The following SCARA5 variants were observed in gnomAD, a reference collection of about 807,000 sequenced individuals.
SCARA5 encodes the protein scavenger receptor class A, member 5 (putative).
A neutral mutation model predicts 46.3 loss-of-function variants in SCARA5; 45 were observed. The observed-to-expected ratio is 0.97, with a 90% CI of 0.76 to 1.24. SCARA5 has a LOEUF of 1.24. Ranked by LOEUF, SCARA5 falls within the 50% of genes most tolerant of loss-of-function variation. The pLI is 0.00. For missense variants in SCARA5, 680 were observed against 689.0 expected, an observed-to-expected ratio of 0.99 and a Z score of 0.15; for synonymous variants, 333 against 306.5, an observed-to-expected ratio of 1.09 and a Z score of -0.90.
intron 7 of SCARA5, among the ~76,000 whole-genome samples, chr8:27,901,763 A>G (rs896259074): frequency 6.6e-6 from 1 of 152,212 alleles, no homozygotes; most frequent in East Asian, 1.9e-4. Context: ...TTACATCTGC[A>G]TCTGGAGCTA....
In SCARA5 at chr8:27,911,337, C is replaced by T. The variant is rs141127492; in HGVS notation, c.917-1594G>A. Among the ~76,000 whole-genome samples the T allele has an allele frequency of 2.0e-3, 302 of 152,302 alleles. 1 individual carries two copies. The highest frequency in any genetic ancestry group is 3.2e-3 in the Non-Finnish European group (220 of 68,020). On this transcript the variant is annotated intron_variant, in intron 4 of 8. Transcript: ENST00000354914. ...AGACAGGACCATACCCTTTATATCC[C>T]TATACCTGCTGTGAAGACTCAGACT...
At chr8:27,882,260 C>T (rs1806823823) in intron 7 of SCARA5, among the ~76,000 whole-genome samples, 1 of 152,186 alleles carries the variant, frequency 6.6e-6, no homozygotes, top group Admixed American at 6.5e-5. Context: ...ATTCCATTTT[C>T]TATGTGCACC....
chr8:27,927,311 C>T (rs1471291337), intron 3 of SCARA5, among the ~76,000 whole-genome samples: 1 of 152,214 alleles, frequency 6.6e-6, no homozygotes, highest in Non-Finnish European at 1.5e-5. Flanking sequence ...GGCTGACAAT[C>T]ATCCACCCCT....
chr8:27,986,223 C>G (rs950458004), intron 2 of SCARA5, among the ~76,000 whole-genome samples: 11 of 152,254 alleles, frequency 7.2e-5, no homozygotes, highest in African/African-American at 2.7e-4. Context: ...TTACAGAAAC[C>G]TGACCCAGCT....
At chr8:27,912,153 T>TTCC (rs1807387700) in intron 4 of SCARA5, among the ~76,000 whole-genome samples, 1 of 152,206 alleles carries the variant, frequency 6.6e-6, no homozygotes. Context: ...TGCTTTGTTA[T>TTCC]GGCAGCCCCA....
At chr8:27,933,980 G>T (rs1807816592) in intron 3 of SCARA5, among the ~76,000 whole-genome samples, 1 of 152,180 alleles carries the variant, frequency 6.6e-6, no homozygotes, top group African/African-American at 2.4e-5. Context: ...AAGGAAGCTA[G>T]TATGCTCTGT....
At chr8:27,887,734 G>A (rs1806920181) in intron 7 of SCARA5, among the ~76,000 whole-genome samples, 1 of 152,188 alleles carries the variant, frequency 6.6e-6, no homozygotes, top group Non-Finnish European at 1.5e-5. Flanking sequence ...GCCCGAGATG[G>A]AGCAGGGACT....
At chr8:27,879,446 C>A in intron 8 of SCARA5, 123 bp downstream of exon 8, 1 of 897,040 alleles carries the variant, frequency 1.1e-6, no homozygotes, top group Non-Finnish European at 1.8e-6. Flanking sequence ...TTGCAGCAAG[C>A]ATTTGGGGAG....
intron 2 of SCARA5, among the ~76,000 whole-genome samples, chr8:27,971,555 G>T (rs1403383124): frequency 6.6e-6 from 1 of 152,150 alleles, no homozygotes; most frequent in Non-Finnish European, 1.5e-5. Context: ...TGGAGAAAAT[G>T]GTCAACAACC....
chr8:27,976,636 CCTA>C (rs2129963397), intron 2 of SCARA5, among the ~76,000 whole-genome samples: 1 of 152,292 alleles, frequency 6.6e-6, no homozygotes, highest in South Asian at 2.1e-4. Context: ...TCTCCCAATT[CCTA>C]CCACCATTCA....
At chr8:27,965,691 C>T (rs1038743878) in intron 3 of SCARA5, among the ~76,000 whole-genome samples, 1 of 152,244 alleles carries the variant, frequency 6.6e-6, no homozygotes, top group Admixed American at 6.5e-5. Context: ...GCGTCCAGTC[C>T]TACCTACCTC....
At chr8:27,973,094 C>T (rs1808471197) in intron 2 of SCARA5, among the ~76,000 whole-genome samples, 1 of 152,210 alleles carries the variant, frequency 6.6e-6, no homozygotes. Flanking sequence ...GTGGCAAAGA[C>T]TGTCTATTAC....
rs1224026831 is a variant in SCARA5 at position 27,892,605 on chromosome 8, C to CTTTTTTTTTTTTTTTTTTTTTTTTTTT, written c.1153+12172_1153+12173insAAAAAAAAAAAAAAAAAAAAAAAAAAA. Among the ~76,000 whole-genome samples, 2 of 119,788 alleles carry CTTTTTTTTTTTTTTTTTTTTTTTTTTT rather than the reference C, an allele frequency of 1.7e-5. 1 individual carries two copies. 78.6% of individuals were successfully genotyped at this position (119,788 alleles called of 152,430 possible). On this transcript the variant is annotated intron_variant, in intron 7 of 8. Coordinates refer to ENST00000354914, the MANE Select transcript of SCARA5 (RefSeq NM_173833.6). The stretch of plus-strand genomic sequence containing the variant: ...CAGAAGTGACCTCTCCATACCTCAC[C>CTTTTTTTTTTTTTTTTTTTTTTTTTTT]CTTTTTTTTTTTTTTTTTTTTTGAG...
chr8:27,984,728 C>T (rs1808677643), intron 2 of SCARA5, among the ~76,000 whole-genome samples: 1 of 152,144 alleles, frequency 6.6e-6, no homozygotes, highest in Non-Finnish European at 1.5e-5. Flanking sequence ...ATCCATCTAT[C>T]CATTCATTAT....
intron 2 of SCARA5, among the ~76,000 whole-genome samples, chr8:27,968,212 A>G (rs920284049): frequency 6.6e-6 from 1 of 152,206 alleles, no homozygotes; most frequent in African/African-American, 2.4e-5. Flanking sequence ...GTATTGTTAT[A>G]TAAGGAACAT....
chr8:27,990,877 G>C (rs1259390274), intron 1 of SCARA5, among the ~76,000 whole-genome samples: 4 of 152,252 alleles, frequency 2.6e-5, no homozygotes, highest in Non-Finnish European at 1.5e-5. Flanking sequence ...CTCTAACAGG[G>C]AGGTGTCACC....
At chr8:27,872,181 T>G in intron 8 of SCARA5, 111 bp from the exon 9 acceptor site, 1 of 1,152,398 alleles carries the variant, frequency 8.7e-7, no homozygotes, top group African/African-American at 1.5e-5. Context: ...CACTCAAACC[T>G]AGGGGCTTCC....
At chr8:27,920,561 G>A (rs1035068668) in intron 4 of SCARA5, among the ~76,000 whole-genome samples, 26 of 147,642 alleles carry the variant, frequency 1.8e-4, no homozygotes, top group Non-Finnish European at 3.6e-4. Flanking sequence ...TTGCAGTGAG[G>A]GAGATCATGC....
At position 27,921,920 on chromosome 8, in the gene SCARA5, C is replaced by A. The variant is rs1415805449; in HGVS notation, c.567G>T (p.Gln189His). The change falls in exon 4 of 9, where the codon CAG (glutamine) becomes CAT (histidine). Residue 189 changes from glutamine (Q) to histidine (H), a missense_variant. Physicochemically the swap from Gln to His is conservative, Grantham distance 24. Transcript: ENST00000354914. ...DTAQLELYQL[Q>H]VESNSSQLLL... ...GCAGCTGGCTACTGTTGCTCTCCAC[C>A]TGCAGCTGGTAGAGCTCCAGCTGCG... 3 of 1,531,674 alleles carry A rather than the reference C, an allele frequency of 2.0e-6. No homozygotes were observed. The South Asian group carries it at 3.7e-5, about 19-fold the overall frequency. The allele number at this position is 1,531,674 out of a possible 1,614,324, so 94.9% of individuals were successfully genotyped here. A position where few individuals can be genotyped will look rare whatever the true frequency, so the allele number is the denominator to read the frequency against.
Sources: gnomAD v4.1 joint callset for allele counts (sites outside exome capture counted in the v4.1 genomes callset) on GRCh38, gnomAD v4.1.1 for gene constraint, MANE v1.5 for transcripts, NCBI Gene and HGNC (gene_info 2026-07-23, HGNC 2026-07-21) for gene names.